Variants in GRM7 observed in about 807,000 individuals in gnomAD.
GRM7 encodes glutamate metabotropic receptor 7, also known as metabotropic glutamate receptor 7.
Under a neutral mutation model 84.5 loss-of-function variants are expected in GRM7, and 35 were observed. That is an observed-to-expected ratio of 0.41 (90% CI 0.32 to 0.55). The LOEUF (loss-of-function observed/expected upper bound fraction) is 0.55, where lower values mean the gene tolerates loss of function less well. Ranked by LOEUF, GRM7 falls within the 20% of genes least tolerant of loss-of-function variation. GRM7 has a pLI of 0.19. For synonymous variants in GRM7, 487 were observed against 455.1 expected, an observed-to-expected ratio of 1.07 and a Z score of -0.89; for missense variants, 1,003 against 1,194.6, an observed-to-expected ratio of 0.84 and a Z score of 2.36.
At chr3:7,465,917 T>C (rs778339773) in intron 7 of GRM7, among the ~76,000 whole-genome samples, 1 of 152,168 alleles carries the variant, frequency 6.6e-6, no homozygotes, top group Non-Finnish European at 1.5e-5. Context: ...AAATGTCTCA[T>C]GTACCCTCAC....
chr3:7,126,830 C>T (rs922033440), intron 1 of GRM7, among the ~76,000 whole-genome samples: 6 of 152,156 alleles, frequency 3.9e-5, no homozygotes, highest in Admixed American at 3.3e-4. Context: ...ATCTCCCTGG[C>T]TCACTGCTGT....
intron 2 of GRM7, among the ~76,000 whole-genome samples, chr3:7,215,777 G>C (rs1035139902): frequency 6.6e-6 from 1 of 152,154 alleles, no homozygotes; most frequent in Non-Finnish European, 1.5e-5. Flanking sequence ...TTAAAGGCTA[G>C]ACAAATGTAG....
At chr3:7,226,886 A>T (rs1697000380) in intron 2 of GRM7, among the ~76,000 whole-genome samples, 1 of 152,290 alleles carries the variant, frequency 6.6e-6, no homozygotes, top group Admixed American at 6.5e-5. Context: ...ACATTGTTTC[A>T]GAATTGAACC....
At chr3:7,692,320 C>A (rs1439430815) in intron 9 of GRM7, among the ~76,000 whole-genome samples, 1 of 152,134 alleles carries the variant, frequency 6.6e-6, no homozygotes, top group Non-Finnish European at 1.5e-5. Flanking sequence ...AATAATAGTT[C>A]TGGGGTATGT....
At position 7,578,449 on chromosome 3, in the gene GRM7, G is replaced by C. The variant is rs745558961; in HGVS notation, c.1543G>C (p.Val515Leu). 2.4e-5 allele frequency: 38 copies of C among 1,612,730 alleles called. No individual in the cohort carries two copies. The highest frequency in any genetic ancestry group is 3.1e-5 in the Non-Finnish European group (36 of 1,179,070). ...AGAAGACATGCAGTGGGGTAAAGGA[G>C]TCCGAGAGATACCCGCCTCAGTGTG... ...NIEDMQWGKG[V>L]REIPASVCTL... Residue 515 changes from valine to leucine, a missense_variant, in exon 8 of 10, where the codon GTC (valine) becomes CTC (leucine). By Grantham distance (32) the Val-to-Leu change is conservative. Around this residue, in one of 2 missense-constraint regions of GRM7, gnomAD observed 910 missense variants for 1,126.0 expected, o/e 0.81. Transcript: ENST00000357716.
chr3:7,668,935 CCA>C (rs1699814066), intron 8 of GRM7, among the ~76,000 whole-genome samples: 1 of 152,218 alleles, frequency 6.6e-6, no homozygotes, highest in African/African-American at 2.4e-5. Flanking sequence ...TCCCTGATTC[CCA>C]CAGTGTATTC....
At chr3:7,552,887 A>G (rs1281049846) in intron 7 of GRM7, among the ~76,000 whole-genome samples, 2 of 152,338 alleles carry the variant, frequency 1.3e-5, no homozygotes, top group African/African-American at 2.4e-5. Flanking sequence ...TTTGGCTTCT[A>G]GTTACTTATG....
chr3:7,459,711 A>G (rs1249850706), intron 6 of GRM7, among the ~76,000 whole-genome samples: 1 of 152,158 alleles, frequency 6.6e-6, no homozygotes, highest in African/African-American at 2.4e-5. Flanking sequence ...CTCCCACAAC[A>G]CATAGGAATT....
At chr3:7,165,080 T>C (rs904122074) in intron 2 of GRM7, among the ~76,000 whole-genome samples, 25 of 152,252 alleles carry the variant, frequency 1.6e-4, no homozygotes, top group Admixed American at 4.6e-4. Flanking sequence ...AAGCCACACG[T>C]AACTGATACC....
intron 1 of GRM7, among the ~76,000 whole-genome samples, chr3:6,890,135 A>C (rs1336368206): frequency 6.6e-6 from 1 of 151,652 alleles, no homozygotes; most frequent in Non-Finnish European, 1.5e-5. Flanking sequence ...TTTCTTTATT[A>C]GTCTTGGTAG....
At chr3:7,145,397 C>G (rs575346408) in intron 1 of GRM7, among the ~76,000 whole-genome samples, 1 of 152,216 alleles carries the variant, frequency 6.6e-6, no homozygotes, top group South Asian at 2.1e-4. Context: ...GAAGAGGTAA[C>G]TAGCATAGGA....
chr3:7,010,951 G>C (rs1695347783), intron 1 of GRM7, among the ~76,000 whole-genome samples: 1 of 152,174 alleles, frequency 6.6e-6, no homozygotes, highest in African/African-American at 2.4e-5. Context: ...GAAGAGTAGG[G>C]ACTTCCAGTT....
intron 1 of GRM7, among the ~76,000 whole-genome samples, chr3:6,981,289 T>C (rs1167082772): frequency 6.6e-6 from 1 of 152,198 alleles, no homozygotes; most frequent in Non-Finnish European, 1.5e-5. Flanking sequence ...ACGCACTGTC[T>C]AAAATTAGGC....
intron 7 of GRM7, among the ~76,000 whole-genome samples, chr3:7,540,579 G>A (rs957085515): frequency 2.0e-5 from 3 of 152,160 alleles, no homozygotes; most frequent in African/African-American, 7.2e-5. Flanking sequence ...AATGAGAATG[G>A]GAAGTGACTG....
At chr3:7,298,434 A>G (rs1559215449) in intron 2 of GRM7, 3 of 363,554 alleles carry the variant, frequency 8.3e-6, no homozygotes, top group Non-Finnish European at 1.5e-5. Flanking sequence ...TATCATTGGT[A>G]TTGCTGGGAA....
intron 1 of GRM7, among the ~76,000 whole-genome samples, chr3:7,122,454 A>T (rs903274337): frequency 2.6e-5 from 4 of 152,222 alleles, no homozygotes; most frequent in African/African-American, 7.2e-5. Context: ...ATTCTGAAAG[A>T]TAAAATGACT....
intron 2 of GRM7, among the ~76,000 whole-genome samples, chr3:7,177,294 T>C (rs1156479351): frequency 6.6e-6 from 1 of 152,168 alleles, no homozygotes; most frequent in Non-Finnish European, 1.5e-5. Flanking sequence ...CTTCTGTTTG[T>C]CTAGAATGAC....
chr3:7,489,804 C>G (rs954587963), intron 7 of GRM7, among the ~76,000 whole-genome samples: 4 of 151,692 alleles, frequency 2.6e-5, no homozygotes, highest in Non-Finnish European at 5.9e-5. Flanking sequence ...AAAGTTATAG[C>G]AAAGAATGCA....
At chr3:7,123,572 T>C (rs1693296129) in intron 1 of GRM7, among the ~76,000 whole-genome samples, 1 of 151,910 alleles carries the variant, frequency 6.6e-6, no homozygotes, top group African/African-American at 2.4e-5. Context: ...TGAACTGAGA[T>C]TGCCCCACTG....
Sources: gnomAD v4.1 joint callset for allele counts (sites outside exome capture counted in the v4.1 genomes callset) on GRCh38, gnomAD v4.1.1 for gene constraint, gnomAD v4.1.1 regional missense constraint, MANE v1.5 for transcripts, NCBI Gene and HGNC (gene_info 2026-07-23, HGNC 2026-07-21) for gene names.